Variants in SLX9 observed in about 807,000 individuals in gnomAD.
SLX9 encodes the protein ribosome biogenesis protein SLX9 homolog.
Under a neutral mutation model 20.8 loss-of-function variants are expected in SLX9, and 19 were observed. The ratio of observed to expected loss-of-function variants is 0.91; its 90% confidence interval spans 0.64 to 1.34. The LOEUF (loss-of-function observed/expected upper bound fraction) is 1.34. Among genes scored for constraint, SLX9 ranks in the 40% most tolerant of loss-of-function variants. The probability of loss-of-function intolerance (pLI) is 0.00; values close to 1 mark genes in which losing one functional copy is unlikely to be tolerated. For synonymous variants in SLX9, 113 were observed against 137.1 expected (o/e 0.82, Z 1.23); for missense variants, 299 against 322.2 (o/e 0.93, Z 0.55).
At chr21:44,960,628 C>T (rs572430333) in intron 3 of SLX9, among the ~76,000 whole-genome samples, 10 of 152,264 alleles carry the variant, frequency 6.6e-5, no homozygotes, top group Non-Finnish European at 1.3e-4. Flanking sequence ...GCCTTGCCCG[C>T]GGTGAAAACA....
intron 2 of SLX9, among the ~76,000 whole-genome samples, chr21:44,946,308 C>G (rs1283137151): frequency 6.6e-6 from 1 of 152,240 alleles, no homozygotes; most frequent in Non-Finnish European, 1.5e-5. Context: ...GCTGACGGGA[C>G]TGTAGCGTGG....
chr21:44,973,078 T>G, intron 4 of SLX9, 119 bp from the exon 5 acceptor site: 1 of 817,200 alleles, frequency 1.2e-6, no homozygotes. Flanking sequence ...TCTGCAGTGG[T>G]TTGGTCACCT....
intron 2 of SLX9, among the ~76,000 whole-genome samples, chr21:44,949,092 T>TG (rs1251625640): frequency 6.6e-6 from 1 of 151,586 alleles, no homozygotes; most frequent in Non-Finnish European, 1.5e-5. Context: ...GAGATTGGAG[T>TG]GGGCGTTGGA....
At chr21:44,966,431 A>C (rs531808812) in intron 3 of SLX9, among the ~76,000 whole-genome samples, 2 of 152,204 alleles carry the variant, frequency 1.3e-5, no homozygotes, top group African/African-American at 4.8e-5. Flanking sequence ...ATGTCCGAGC[A>C]TGTGTTCTCT....
chr21:44,956,777 G>A (rs2084865591), intron 2 of SLX9, among the ~76,000 whole-genome samples: 1 of 152,234 alleles, frequency 6.6e-6, no homozygotes, highest in South Asian at 2.1e-4. Flanking sequence ...GGTGAGCCTG[G>A]TTCTGTGTCT....
At chr21:44,963,747 T>G (rs2084986559) in intron 3 of SLX9, among the ~76,000 whole-genome samples, 1 of 152,232 alleles carries the variant, frequency 6.6e-6, no homozygotes, top group South Asian at 2.1e-4. Context: ...TTCTAGGCTG[T>G]CTTCTGTTCC....
chr21:44,972,750 G>A (rs2085175496), intron 4 of SLX9, among the ~76,000 whole-genome samples: 1 of 152,240 alleles, frequency 6.6e-6, no homozygotes, highest in Non-Finnish European at 1.5e-5. Context: ...TACTGCGGGA[G>A]TGGGACTGGC....
At chr21:44,940,773 G>A (rs1015914613) in intron 1 of SLX9, among the ~76,000 whole-genome samples, 2 of 151,668 alleles carry the variant, frequency 1.3e-5, no homozygotes, top group Non-Finnish European at 2.9e-5. Flanking sequence ...TCTTGCGTGT[G>A]TAGGTTAATG....
In SLX9 at chr21:44,967,018, G is replaced by A. The variant is rs376860499; in HGVS notation, c.353-16G>A. Reference sequence around the variant, plus strand: ...CTGCCTCTTGTTTGCCTCTAACGTCGTTTCTCCTTCCTTAGAAATCGAAGC... The same window carrying A: ...CTGCCTCTTGTTTGCCTCTAACGTCATTTCTCCTTCCTTAGAAATCGAAGC... On this transcript the variant is annotated splice_polypyrimidine_tract_variant and intron_variant, in intron 3 of 5. Coordinates refer to ENST00000291634, the MANE Select transcript of SLX9 (RefSeq NM_058190.4). 1.9e-5 allele frequency: 30 copies of A among 1,602,458 alleles called. No individual in the cohort carries two copies. The highest frequency in any genetic ancestry group is 2.3e-4 in the Middle Eastern group (1 of 4,444).
chr21:44,943,665 T>G lies in SLX9; in HGVS notation c.130-19T>G. 1 of 1,611,686 alleles carries G rather than the reference T, an allele frequency of 6.2e-7. No individual in the cohort carries two copies. Among genetic ancestry groups the G allele is most frequent in the Non-Finnish European group, 8.5e-7 (1 of 1,178,026 alleles). The stretch of plus-strand genomic sequence containing the variant: ...GTCTCACACCTCTTCTTTTCGTCCG[T>G]TTTTGTTGGGGACATTAGGACTGGG... On this transcript the variant is annotated intron_variant, in intron 1 of 5. Coordinates refer to ENST00000291634, the MANE Select transcript of SLX9 (RefSeq NM_058190.4).
At chr21:44,944,743 G>A (rs1470729806) in intron 2 of SLX9, among the ~76,000 whole-genome samples, 2 of 152,204 alleles carry the variant, frequency 1.3e-5, no homozygotes, top group Non-Finnish European at 2.9e-5. Flanking sequence ...AGCTGGGAGC[G>A]CCAGGACAGG....
chr21:44,952,949 G>A (rs893635011), intron 2 of SLX9, among the ~76,000 whole-genome samples: 4 of 152,168 alleles, frequency 2.6e-5, no homozygotes, highest in African/African-American at 9.7e-5. Flanking sequence ...GGAAACTTAG[G>A]GGTGAGCAGG....
intron 4 of SLX9, chr21:44,969,270 C>T (rs952420884): frequency 1.3e-5 from 6 of 459,886 alleles, no homozygotes; most frequent in African/African-American, 6.0e-5. Flanking sequence ...TAGGAGCGGC[C>T]GCCCGGAGTG....
At chr21:44,962,880 G>T (rs529166039) in intron 3 of SLX9, among the ~76,000 whole-genome samples, 2 of 152,058 alleles carry the variant, frequency 1.3e-5, no homozygotes, top group Non-Finnish European at 2.9e-5. Flanking sequence ...GGTATCTCAC[G>T]GTGGTACTCA....
At chr21:44,972,735 G>T (rs971566839) in intron 4 of SLX9, among the ~76,000 whole-genome samples, 2 of 152,244 alleles carry the variant, frequency 1.3e-5, no homozygotes, top group African/African-American at 4.8e-5. Context: ...CTGGGAAGTG[G>T]TGTGTACTGC....
At chr21:44,969,197 G>A (rs775548134) in intron 4 of SLX9, 5 of 470,056 alleles carry the variant, frequency 1.1e-5, no homozygotes, top group African/African-American at 1.0e-4. Context: ...GTCACGCGCT[G>A]CAGGCCCAGG....
At chr21:44,945,487 G>A (rs968666213) in intron 2 of SLX9, among the ~76,000 whole-genome samples, 2 of 152,168 alleles carry the variant, frequency 1.3e-5, no homozygotes, top group African/African-American at 4.8e-5. Flanking sequence ...TCAAGCCCCT[G>A]TGGCTCATCT....
At chr21:44,946,687 C>G (rs1254072621) in intron 2 of SLX9, among the ~76,000 whole-genome samples, 1 of 152,254 alleles carries the variant, frequency 6.6e-6, no homozygotes, top group African/African-American at 2.4e-5. Context: ...CCGCGGGCCC[C>G]CATTACAGCC....
chr21:44,947,874 G>A (rs2084672542), intron 2 of SLX9, among the ~76,000 whole-genome samples: 2 of 152,244 alleles, frequency 1.3e-5, no homozygotes, highest in Admixed American at 1.3e-4. Flanking sequence ...GGGCCGGGTT[G>A]TGCATGCAGG....
Sources: allele counts gnomAD v4.1 joint callset (sites outside exome capture counted in the v4.1 genomes callset), GRCh38; gene constraint gnomAD v4.1.1; transcripts MANE v1.5; gene names NCBI Gene and HGNC (gene_info 2026-07-23, HGNC 2026-07-21).